Variants in GRID1 observed in about 807,000 individuals in gnomAD.
The protein encoded by GRID1 is glutamate ionotropic receptor delta type subunit 1, also known as glutamate receptor ionotropic, delta-1.
Under a neutral mutation model 98.0 loss-of-function variants are expected in GRID1, and 28 were observed. The ratio of observed to expected loss-of-function variants is 0.29; its 90% CI spans 0.21 to 0.39. The LOEUF (loss-of-function observed/expected upper bound fraction) is 0.39, where lower values mean the gene tolerates loss of function less well. Ranked by LOEUF, GRID1 falls within the 10% of genes least tolerant of loss-of-function variation. The pLI is 1.00. For synonymous variants in GRID1, 553 were observed against 538.5 expected (o/e 1.03, Z -0.37); for missense variants, 1,111 against 1,340.5 (o/e 0.83, Z 2.67).
chr10:86,160,276 T>C (rs900356774), intron 3 of GRID1, among the ~76,000 whole-genome samples: 2 of 152,190 alleles, frequency 1.3e-5, no homozygotes, highest in African/African-American at 4.8e-5. Flanking sequence ...TCCTGCTGCA[T>C]GCACCTCACC....
chr10:85,879,687 C>T (rs1221798186), intron 5 of GRID1, among the ~76,000 whole-genome samples: 1 of 152,206 alleles, frequency 6.6e-6, no homozygotes, highest in East Asian at 1.9e-4. Flanking sequence ...CCAAAATTGA[C>T]ACCCTAACAT....
At chr10:85,754,582 A>G (rs1234873363) in intron 8 of GRID1, among the ~76,000 whole-genome samples, 2 of 152,218 alleles carry the variant, frequency 1.3e-5, no homozygotes, top group Non-Finnish European at 2.9e-5. Context: ...ACTTACATAA[A>G]GCTCATTACT....
intron 4 of GRID1, among the ~76,000 whole-genome samples, chr10:85,954,541 G>A (rs113881659): frequency 1.7e-3 from 252 of 152,232 alleles, no homozygotes; most frequent in Non-Finnish European, 2.7e-3. Context: ...TATTATAAAA[G>A]GAATCATTAT....
At chr10:85,728,748 T>A (rs1446492366) in intron 9 of GRID1, among the ~76,000 whole-genome samples, 1 of 152,092 alleles carries the variant, frequency 6.6e-6, no homozygotes, top group East Asian at 1.9e-4. Flanking sequence ...GGCAAACAGC[T>A]CCAGGGAGTA....
intron 8 of GRID1, among the ~76,000 whole-genome samples, chr10:85,756,853 G>A (rs1842104257): frequency 6.6e-6 from 1 of 152,202 alleles, no homozygotes; most frequent in African/African-American, 2.4e-5. Context: ...ATTGCTCTGA[G>A]CACTGTACCA....
chr10:85,949,726 T>C (rs182378989), intron 4 of GRID1, among the ~76,000 whole-genome samples: 384 of 152,328 alleles, frequency 2.5e-3, no homozygotes, highest in African/African-American at 8.6e-3. Context: ...CACTGAGAGA[T>C]AATGTCTACT....
At chr10:86,315,430 G>C (rs1564736788) in intron 2 of GRID1, among the ~76,000 whole-genome samples, 1 of 152,212 alleles carries the variant, frequency 6.6e-6, no homozygotes, top group Non-Finnish European at 1.5e-5. Flanking sequence ...TGTGGCCCAG[G>C]AAGGGGGCTG....
In GRID1 at chr10:85,787,003, G is replaced by A. The variant is rs138061859; in HGVS notation, c.1234-57389C>T. On this transcript the variant is annotated intron_variant, in intron 8 of 15. Transcript: ENST00000327946. ...AGCCATGGCTGGGGCTTGCCCCAGG[G>A]CTCCCCCTCTGCCTCCCAGCTGCCA... 6.6e-3 allele frequency among the ~76,000 whole-genome samples: 1,001 copies of A among 152,318 alleles called. 11 individuals carry two copies. Among genetic ancestry groups the A allele is most frequent in the African/African-American group, 0.023 (944 of 41,568 alleles).
intron 2 of GRID1, among the ~76,000 whole-genome samples, chr10:86,243,144 A>G (rs914895035): frequency 6.6e-6 from 1 of 152,230 alleles, no homozygotes; most frequent in Non-Finnish European, 1.5e-5. Flanking sequence ...GTGGTGGTTC[A>G]TATCAAGGAA....
chr10:85,977,410 CCTA>C (rs1231886752), intron 4 of GRID1, among the ~76,000 whole-genome samples: 1 of 152,096 alleles, frequency 6.6e-6, no homozygotes. Context: ...GCAGACCCCA[CCTA>C]AAGGGACTCT....
At chr10:86,313,924 C>G (rs190686320) in intron 2 of GRID1, among the ~76,000 whole-genome samples, 2 of 152,182 alleles carry the variant, frequency 1.3e-5, no homozygotes, top group Non-Finnish European at 2.9e-5. Flanking sequence ...AAACAATTTT[C>G]CCCTTCGCAA....
At chr10:85,920,138 T>C (rs999114662) in intron 4 of GRID1, among the ~76,000 whole-genome samples, 2 of 152,156 alleles carry the variant, frequency 1.3e-5, no homozygotes, top group Middle Eastern at 3.2e-3. Context: ...TTCCTTTATG[T>C]TCCTGTTCCA....
chr10:85,923,763 C>A (rs1316812841), intron 4 of GRID1, among the ~76,000 whole-genome samples: 1 of 152,188 alleles, frequency 6.6e-6, no homozygotes, highest in Non-Finnish European at 1.5e-5. Flanking sequence ...AAAGACGAAA[C>A]TCAATCTCTG....
In GRID1 at chr10:86,138,255, C is replaced by A. The variant is rs61681014; in HGVS notation, c.726+564G>T. ...TGGATTCTTTACTAACCAATGGATT[C>A]TTAAACTGATGGGCCCTGTCTTCAT... On this transcript the variant is annotated intron_variant, in intron 4 of 15. Transcript: ENST00000327946. 3.5e-3 allele frequency among the ~76,000 whole-genome samples: 536 copies of A among 152,276 alleles called. 2 individuals carry two copies. Among genetic ancestry groups the A allele is most frequent in the African/African-American group, 0.012 (513 of 41,552 alleles).
At chr10:85,995,111 G>C (rs772940372) in intron 4 of GRID1, among the ~76,000 whole-genome samples, 1 of 151,186 alleles carries the variant, frequency 6.6e-6, no homozygotes, top group African/African-American at 2.4e-5. Flanking sequence ...GTGGAACCCT[G>C]CACCTATAGA....
intron 8 of GRID1, among the ~76,000 whole-genome samples, chr10:85,736,149 G>T (rs945556794): frequency 7.0e-6 from 1 of 142,502 alleles, no homozygotes. Flanking sequence ...GAGAAGGAAG[G>T]AAGGAGGGAG....
intron 3 of GRID1, among the ~76,000 whole-genome samples, chr10:86,174,455 C>T (rs1845544364): frequency 6.6e-6 from 1 of 151,784 alleles, no homozygotes; most frequent in East Asian, 1.9e-4. Flanking sequence ...AAAGCTGAAA[C>T]TGGATCCCTT....
intron 4 of GRID1, among the ~76,000 whole-genome samples, chr10:85,931,847 G>A (rs1841854398): frequency 1.3e-5 from 2 of 152,170 alleles, no homozygotes; most frequent in Non-Finnish European, 2.9e-5. Context: ...TGGATAGGGG[G>A]ACTTCCTGTC....
At chr10:86,332,467 G>C (rs1297144504) in intron 2 of GRID1, among the ~76,000 whole-genome samples, 1 of 152,038 alleles carries the variant, frequency 6.6e-6, no homozygotes, top group Admixed American at 6.5e-5. Flanking sequence ...CCCTGGGATG[G>C]CCTCTCACCC....
Sources: gnomAD v4.1 joint callset for allele counts (sites outside exome capture counted in the v4.1 genomes callset) on GRCh38, gnomAD v4.1.1 for gene constraint, MANE v1.5 for transcripts, NCBI Gene and HGNC (gene_info 2026-07-23, HGNC 2026-07-21) for gene names.